Variants in FCHSD2 observed in about 807,000 individuals in gnomAD.
FCHSD2 encodes F-BAR and double SH3 domains protein 2.
Under a neutral mutation model 108.1 loss-of-function variants are expected in FCHSD2, and 38 were observed. The ratio of observed to expected loss-of-function variants is 0.35; its 90% CI spans 0.27 to 0.46. The LOEUF is 0.46. FCHSD2 is among the 20% of genes least tolerant of loss of function. The pLI, the probability that FCHSD2 is intolerant of heterozygous loss-of-function variation, is 1.00. For missense variants in FCHSD2, 751 were observed against 897.8 expected, an observed-to-expected ratio of 0.84 and a Z score of 2.09; for synonymous variants, 279 against 314.7, an observed-to-expected ratio of 0.89 and a Z score of 1.20.
At position 73,061,092 on chromosome 11, in the gene FCHSD2, G is replaced by A. The variant is rs1294656461; in HGVS notation, c.165+22603C>T. On this transcript the variant is annotated intron_variant, in intron 3 of 19. Coordinates refer to ENST00000409418, the MANE Select transcript of FCHSD2 (RefSeq NM_014824.3). ...TCCTCGCAGAAGGCAGATGATTTCTGCATGTCCAACTGAGGTACCTGGTTC... is the reference window on the plus strand; with the variant it reads ...TCCTCGCAGAAGGCAGATGATTTCTACATGTCCAACTGAGGTACCTGGTTC... 2.0e-5 allele frequency among the ~76,000 whole-genome samples: 3 copies of A among 152,328 alleles called. No homozygotes were observed. The South Asian group carries it at 6.2e-4, about 32-fold the overall frequency.
At chr11:72,842,492 G>C in intron 17 of FCHSD2, 129 bp downstream of exon 17, 1 of 1,101,942 alleles carries the variant, frequency 9.1e-7, no homozygotes, top group Non-Finnish European at 1.3e-6. Context: ...CAGTTGTGCA[G>C]ACACTGGCAA....
At chr11:73,136,898 G>T (rs569916280) in intron 2 of FCHSD2, among the ~76,000 whole-genome samples, 1 of 152,200 alleles carries the variant, frequency 6.6e-6, no homozygotes, top group South Asian at 2.1e-4. Flanking sequence ...CGGGCGTGGT[G>T]GCAGGTGTGG....
intron 14 of FCHSD2, among the ~76,000 whole-genome samples, chr11:72,847,690 CTTT>C (rs60989366): frequency 3.1e-5 from 4 of 129,048 alleles, no homozygotes; most frequent in South Asian, 2.6e-4. Context: ...TGACTCTAAC[CTTT>C]TTTTTTTTTT....
At position 73,114,588 on chromosome 11, in the gene FCHSD2, G is replaced by A. The variant is rs11235662; in HGVS notation, c.119+25443C>T. On this transcript the variant is annotated intron_variant, in intron 2 of 19. Transcript: ENST00000409418. ...CAGAAGCTCACCCAAGACCCACAGCGTACTAACTAGGTATTGCTGCTGGTT... is the reference window on the plus strand; with the variant it reads ...CAGAAGCTCACCCAAGACCCACAGCATACTAACTAGGTATTGCTGCTGGTT... Among the ~76,000 whole-genome samples the A allele has an allele frequency of 2.9e-3, 438 of 152,142 alleles. 1 individual carries two copies. The highest frequency in any genetic ancestry group is 0.014 in the Middle Eastern group (4 of 294).
chr11:72,918,667 G>A (rs928696662), intron 9 of FCHSD2, among the ~76,000 whole-genome samples: 14 of 151,976 alleles, frequency 9.2e-5, no homozygotes, highest in African/African-American at 1.9e-4. Flanking sequence ...GTTAGACTTC[G>A]AAGTATTAAG....
At position 72,984,207 on chromosome 11, in the gene FCHSD2, G is replaced by A. The variant is rs1398736297; in HGVS notation, c.586C>T (p.Arg196Trp). The change falls in exon 8 of 20, where the codon CGG becomes TGG. Residue 196 changes from arginine (R) to tryptophan (W), a missense_variant. Arg to Trp is a moderately radical substitution (Grantham distance 101). Transcript: ENST00000409418. ...GCTTTGGAATTACACTCAGATCGCC[G>A]GGCTTTTAACTAAAACATAGCAAAA... is the stretch of plus-strand genomic sequence containing the variant. ...LQKASVKLKA[R>W]RSECNSKATH... The A allele has an allele frequency of 3.7e-6, 6 of 1,613,754 alleles. No homozygotes were observed. Among genetic ancestry groups the A allele is most frequent in the Non-Finnish European group, 4.2e-6 (5 of 1,179,740 alleles).
At chr11:73,123,909 T>A (rs1287993177) in intron 2 of FCHSD2, among the ~76,000 whole-genome samples, 2 of 152,322 alleles carry the variant, frequency 1.3e-5, no homozygotes, top group African/African-American at 4.8e-5. Context: ...AAAGAGATAA[T>A]CTTATCATAA....
chr11:73,097,367 GTTTAT>G (rs1318935662), intron 2 of FCHSD2, among the ~76,000 whole-genome samples: 2 of 150,316 alleles, frequency 1.3e-5, no homozygotes, highest in African/African-American at 2.4e-5. Flanking sequence ...TGTTTGTTTG[GTTTAT>G]TTTATTTATT....
chr11:73,074,115 G>A (rs542343605), intron 3 of FCHSD2, among the ~76,000 whole-genome samples: 1 of 152,258 alleles, frequency 6.6e-6, no homozygotes, highest in East Asian at 1.9e-4. Context: ...AGATAGGTCA[G>A]TTGACTAGAA....
In FCHSD2 at chr11:72,984,233, TAAAATAATCAGTGCA is replaced by T. The variant is rs1227309157; in HGVS notation, c.577-32_577-18del. On this transcript the variant is annotated intron_variant, in intron 7 of 19. Coordinates refer to ENST00000409418, the MANE Select transcript of FCHSD2 (RefSeq NM_014824.3). ...GGCTTTTAACTAAAACATAGCAAAA[TAAAATAATCAGTGCA>T]AACTGATATTGTACTGCAAAACACA... The T allele has an allele frequency of 1.3e-5, 21 of 1,613,272 alleles. No individual in the cohort carries two copies. The highest frequency in any genetic ancestry group is 1.8e-5 in the Non-Finnish European group (21 of 1,179,334).
intron 3 of FCHSD2, among the ~76,000 whole-genome samples, chr11:73,076,205 A>G (rs890449064): frequency 6.6e-6 from 1 of 152,172 alleles, no homozygotes; most frequent in African/African-American, 2.4e-5. Context: ...AAATATGAAA[A>G]CATGTCTAAA....
chr11:73,107,137 T>C (rs1860364143), intron 2 of FCHSD2, among the ~76,000 whole-genome samples: 1 of 152,152 alleles, frequency 6.6e-6, no homozygotes, highest in Non-Finnish European at 1.5e-5. Flanking sequence ...CCTGGGTTTC[T>C]TGATTCTCAA....
chr11:72,860,594 T>C (rs1389795091), intron 13 of FCHSD2, among the ~76,000 whole-genome samples: 3 of 152,144 alleles, frequency 2.0e-5, no homozygotes, highest in Non-Finnish European at 2.9e-5. Flanking sequence ...CCTATAATCC[T>C]ACCACTTTGG....
chr11:73,046,135 C>T (rs1591510472), intron 3 of FCHSD2, among the ~76,000 whole-genome samples: 2 of 151,880 alleles, frequency 1.3e-5, no homozygotes, highest in Admixed American at 1.3e-4. Context: ...GGACTAAAGA[C>T]ACACACCATG....
chr11:73,118,223 G>A (rs1457779818), intron 2 of FCHSD2, among the ~76,000 whole-genome samples: 1 of 152,148 alleles, frequency 6.6e-6, no homozygotes, highest in Non-Finnish European at 1.5e-5. Context: ...GGAGGCTGAG[G>A]CAGGAAAATT....
chr11:73,099,827 C>T (rs905948021), intron 2 of FCHSD2, among the ~76,000 whole-genome samples: 1 of 152,124 alleles, frequency 6.6e-6, no homozygotes, highest in African/African-American at 2.4e-5. Flanking sequence ...CCAGGAGAGG[C>T]GGCACCACCA....
At chr11:72,849,450 G>A (rs1772063343) in intron 14 of FCHSD2, among the ~76,000 whole-genome samples, 1 of 152,206 alleles carries the variant, frequency 6.6e-6, no homozygotes, top group African/African-American at 2.4e-5. Context: ...TAGTGACTGA[G>A]GAGTTGGTTA....
chr11:73,025,831 T>C (rs1360342916), intron 3 of FCHSD2, among the ~76,000 whole-genome samples: 1 of 152,198 alleles, frequency 6.6e-6, no homozygotes, highest in African/African-American at 2.4e-5. Context: ...TGTGTTATGC[T>C]GTATGATGTA....
intron 9 of FCHSD2, among the ~76,000 whole-genome samples, chr11:72,906,007 T>G (rs1855622073): frequency 1.3e-5 from 2 of 152,146 alleles, no homozygotes; most frequent in Non-Finnish European, 2.9e-5. Context: ...CCTTGAGGAG[T>G]TGCCACACTG....
Sources: gnomAD v4.1 joint callset for allele counts (sites outside exome capture counted in the v4.1 genomes callset) on GRCh38, gnomAD v4.1.1 for gene constraint, MANE v1.5 for transcripts, NCBI Gene and HGNC (gene_info 2026-07-23, HGNC 2026-07-21) for gene names.